RERE: variants seen among roughly 807,000 people sequenced by gnomAD.
The protein encoded by RERE is arginine-glutamic acid dipeptide repeats.
A neutral mutation model predicts 146.1 loss-of-function variants in RERE; 40 were observed. The observed-to-expected ratio is 0.27, with a 90% confidence interval of 0.21 to 0.36. RERE has a LOEUF of 0.36. Ranked by LOEUF, RERE falls within the 10% of genes least tolerant of loss-of-function variation. RERE has a pLI of 1.00. For synonymous variants in RERE, 1,003 were observed against 866.0 expected (o/e 1.16, Z -2.78); for missense variants, 1,933 against 2,138.7 (o/e 0.90, Z 1.90).
intron 6 of RERE, among the ~76,000 whole-genome samples, chr1:8,556,116 G>GCCA (rs2124422812): frequency 6.6e-6 from 1 of 152,094 alleles, no homozygotes; most frequent in African/African-American, 2.4e-5. Context: ...TTCCCAAAAT[G>GCCA]CCAGGATTAC....
At chr1:8,387,924 T>C (rs1642739483) in intron 12 of RERE, among the ~76,000 whole-genome samples, 1 of 152,216 alleles carries the variant, frequency 6.6e-6, no homozygotes. Flanking sequence ...AAAGAATTCG[T>C]GTGCATGTGT....
intron 7 of RERE, chr1:8,525,959 C>A: frequency 7.4e-7 from 1 of 1,347,860 alleles, no homozygotes; most frequent in African/African-American, 1.5e-5. Flanking sequence ...AACGCAGAAA[C>A]TTCCCCTCAC....
intron 1 of RERE, among the ~76,000 whole-genome samples, chr1:8,667,688 A>G (rs1638609424): frequency 6.6e-6 from 1 of 152,192 alleles, no homozygotes; most frequent in Admixed American, 6.5e-5. Flanking sequence ...AAAAACAACA[A>G]CAACAACAAC....
intron 1 of RERE, among the ~76,000 whole-genome samples, chr1:8,696,206 T>A (rs1639326386): frequency 6.6e-6 from 1 of 152,096 alleles, no homozygotes; most frequent in African/African-American, 2.4e-5. Context: ...GCAAAAGAAA[T>A]TAAATCGTTC....
In RERE at chr1:8,550,330, A is replaced by C. The variant is rs561378223; in HGVS notation, c.725+6145T>G. ...TGTTAAATGATGAATGAATAAATAA[A>C]GCAATTGACAGGTTATGATGTCTAA... On this transcript the variant is annotated intron_variant, in intron 6 of 22. Transcript: ENST00000400908. 1.3e-4 allele frequency among the ~76,000 whole-genome samples: 20 copies of C among 152,348 alleles called. No individual in the cohort carries two copies. In the South Asian group the frequency reaches 3.9e-3, roughly 30 times the overall value.
chr1:8,789,282 CAAAAA>C (rs58993452), intron 1 of RERE, among the ~76,000 whole-genome samples: 3 of 38,496 alleles, frequency 7.8e-5, no homozygotes, highest in African/African-American at 1.9e-4. Context: ...TCCTCTCTAC[CAAAAA>C]AAAAAAAAAA....
At chr1:8,816,461 T>G (rs1641914920) in intron 1 of RERE, among the ~76,000 whole-genome samples, 1 of 152,180 alleles carries the variant, frequency 6.6e-6, no homozygotes, top group Non-Finnish European at 1.5e-5. Flanking sequence ...CAACAATGAA[T>G]CATTCTGTTT....
intron 1 of RERE, among the ~76,000 whole-genome samples, chr1:8,683,485 A>C (rs1207259851): frequency 6.6e-6 from 1 of 152,112 alleles, no homozygotes; most frequent in Non-Finnish European, 1.5e-5. Flanking sequence ...AGACACACAG[A>C]AATTCTACAA....
chr1:8,511,116 T>C (rs1210863719), intron 7 of RERE, among the ~76,000 whole-genome samples: 1 of 152,112 alleles, frequency 6.6e-6, no homozygotes, highest in Non-Finnish European at 1.5e-5. Flanking sequence ...AAAAACCCAA[T>C]GTACCATGGT....
intron 1 of RERE, among the ~76,000 whole-genome samples, chr1:8,801,789 G>A (rs915678701): frequency 1.3e-5 from 2 of 152,246 alleles, no homozygotes; most frequent in East Asian, 3.9e-4. Flanking sequence ...CTACTTAAGA[G>A]CTTATCCTAT....
chr1:8,676,459 TA>T (rs1304884226), intron 1 of RERE, among the ~76,000 whole-genome samples: 1 of 152,042 alleles, frequency 6.6e-6, no homozygotes, highest in South Asian at 2.1e-4. Flanking sequence ...GTAAGTCACA[TA>T]TTTTTTTACA....
At chr1:8,394,922 G>T (rs1643001715) in intron 12 of RERE, among the ~76,000 whole-genome samples, 1 of 152,072 alleles carries the variant, frequency 6.6e-6, no homozygotes. Context: ...TATATCCTCA[G>T]CATCTATCTA....
At chr1:8,790,758 G>T (rs1472870659) in intron 1 of RERE, among the ~76,000 whole-genome samples, 1 of 152,120 alleles carries the variant, frequency 6.6e-6, no homozygotes, top group Non-Finnish European at 1.5e-5. Context: ...TAATTTTTTT[G>T]TATTTTTAGT....
rs142000262 is a variant in RERE at position 8,626,715 on chromosome 1, T to C, written c.326-2335A>G. 7.2e-3 allele frequency among the ~76,000 whole-genome samples: 1,103 copies of C among 152,308 alleles called. 5 individuals carry two copies. Among genetic ancestry groups the C allele is most frequent in the Non-Finnish European group, 0.011 (752 of 68,030 alleles). On this transcript the variant is annotated intron_variant, in intron 2 of 22. Transcript: ENST00000400908. ...ACACAGAAACATTCCAAGCCTGTGA[T>C]AAGCTCTCCTGCCCTAAATCCTTAA...
At chr1:8,426,080 C>G (rs1644007757) in intron 11 of RERE, among the ~76,000 whole-genome samples, 2 of 152,156 alleles carry the variant, frequency 1.3e-5, no homozygotes, top group African/African-American at 4.8e-5. Context: ...TAACTATTTT[C>G]TGTTACCATT....
At chr1:8,689,043 C>CT (rs1015770988) in intron 1 of RERE, among the ~76,000 whole-genome samples, 8 of 151,562 alleles carry the variant, frequency 5.3e-5, no homozygotes, top group Admixed American at 5.3e-4. Context: ...CTCAATAAAG[C>CT]TTTTTTAAAA....
chr1:8,414,217 C>T (rs1472280216), intron 12 of RERE, among the ~76,000 whole-genome samples: 1 of 152,046 alleles, frequency 6.6e-6, no homozygotes, highest in Non-Finnish European at 1.5e-5. Context: ...AAAGCTCCCC[C>T]AAAATCCCAA....
At chr1:8,543,752 A>C (rs1048280569) in intron 6 of RERE, among the ~76,000 whole-genome samples, 1 of 152,194 alleles carries the variant, frequency 6.6e-6, no homozygotes, top group Non-Finnish European at 1.5e-5. Context: ...ATGTCTCAAG[A>C]CTTGCCAAAT....
chr1:8,497,384 A>C, intron 9 of RERE, 21 bp downstream of exon 9: 1 of 1,613,902 alleles, frequency 6.2e-7, no homozygotes, highest in Non-Finnish European at 8.5e-7. Flanking sequence ...AGAAAGCAGG[A>C]TGGGGGTAGA....
Sources: gnomAD v4.1 joint callset for allele counts (sites outside exome capture counted in the v4.1 genomes callset) on GRCh38, gnomAD v4.1.1 for gene constraint, MANE v1.5 for transcripts, NCBI Gene and HGNC (gene_info 2026-07-23, HGNC 2026-07-21) for gene names.